Variants in DIDO1 observed in about 807,000 individuals in gnomAD.
DIDO1 encodes the protein death-inducer obliterator 1.
Under a neutral mutation model 99.4 loss-of-function variants are expected in DIDO1, and 16 were observed. That is an observed-to-expected ratio of 0.16 (90% confidence interval 0.11 to 0.24). The LOEUF is 0.24. DIDO1 is among the 10% of genes least tolerant of loss of function. The pLI is 1.00. For synonymous variants in DIDO1, 1,366 were observed against 1,239.1 expected, an observed-to-expected ratio of 1.10 and a Z score of -2.15; for missense variants, 2,996 against 3,014.0, an observed-to-expected ratio of 0.99 and a Z score of 0.14.
At chr20:62,884,519 T>C (rs1568830296) in intron 15 of DIDO1, among the ~76,000 whole-genome samples, 1 of 152,224 alleles carries the variant, frequency 6.6e-6, no homozygotes, top group Non-Finnish European at 1.5e-5. Flanking sequence ...TGAAAACCAG[T>C]ATGATTTCCC....
rs771850719 is a variant in DIDO1 at position 62,881,839 on chromosome 20, C to T, written c.4117G>A (p.Asp1373Asn). The T allele has an allele frequency of 4.3e-6, 7 of 1,613,426 alleles. No homozygotes were observed. In the Admixed American group the frequency reaches 1.0e-4, roughly 23 times the overall value. The change falls in exon 16 of 16, where the codon GAT becomes AAT. Residue 1373 changes from aspartate (D) to asparagine (N), a missense_variant. Physicochemically the swap from Asp to Asn is conservative, Grantham distance 23. Transcript: ENST00000395343. The surrounding 1 kb of genome is among the most constrained non-coding windows in gnomAD (Gnocchi z 8.3). ...TCCTCCTCTTCCTCTAGAGCCTTAT[C>T]TTTTGAGAACTGACCGAACTGCTGG... ...IVQQFGQFSK[D>N]KALEEEEDDR...
At chr20:62,920,625 C>A (rs542203361) in intron 1 of DIDO1, among the ~76,000 whole-genome samples, 2 of 152,338 alleles carry the variant, frequency 1.3e-5, no homozygotes, top group South Asian at 4.1e-4. Flanking sequence ...GTTCTCAAAG[C>A]GTGGTCCAGG....
Position 62,879,871 on chromosome 20 carries a change from G to A in DIDO1, c.6085C>T (p.Leu2029Phe), listed in dbSNP as rs1341026707. The A allele has an allele frequency of 1.3e-6, 2 of 1,591,294 alleles. No individual in the cohort carries two copies. The highest frequency in any genetic ancestry group is 1.7e-6 in the Non-Finnish European group (2 of 1,170,502). Residue 2029 changes from leucine to phenylalanine, a missense_variant, in exon 16 of 16, where the codon CTT becomes TTT. By Grantham distance (22) the Leu-to-Phe change is conservative. This residue lies in a region of DIDO1 where 1,562 missense variants were observed against 1,412.6 expected (regional missense o/e 1.11). Coordinates refer to ENST00000395343, the MANE Select transcript of DIDO1 (RefSeq NM_001193369.2). The surrounding 1 kb of genome is among the most constrained non-coding windows in gnomAD (Gnocchi z 6.3). ...CGGTGCTGCGGGGGGTGGCTGGGAA[G>A]CTCCAGCAGGGGCCTGGGGCCCGGC... Reference protein sequence around the residue: ...MKPGPRPLLELPSHPPQHRKD... With the variant: ...MKPGPRPLLEFPSHPPQHRKD...
In DIDO1 at chr20:62,887,915, G is replaced by A. The variant is rs2064322838; in HGVS notation, c.3541+3045C>T. The A allele has an allele frequency of 5.1e-6, 5 of 985,018 alleles. No homozygotes were observed. The South Asian group carries it at 2.3e-4, about 46-fold the overall frequency. The allele number at this position is 985,018 out of a possible 1,614,324, so 61.0% of individuals were successfully genotyped here. On this transcript the variant is annotated intron_variant, in intron 15 of 15. Coordinates refer to ENST00000395343, the MANE Select transcript of DIDO1 (RefSeq NM_001193369.2). Reference sequence around the variant, plus strand: ...AGTTACAGAGAGTGCCCCCACTGCGGGGCAGAGGGGCAGAGGAAGACAACC... The same window carrying A: ...AGTTACAGAGAGTGCCCCCACTGCGAGGCAGAGGGGCAGAGGAAGACAACC...
At position 62,881,620 on chromosome 20, in the gene DIDO1, T is replaced by C; in HGVS notation, c.4336A>G (p.Asn1446Asp). The change falls in exon 16 of 16, where the codon AAC becomes GAC. Residue 1446 changes from asparagine (N) to aspartate (D), a missense_variant. By Grantham distance (23) the Asn-to-Asp change is conservative (BLOSUM62 1). Transcript: ENST00000395343. This position sits in a 1 kb window ranked among gnomAD's most constrained non-coding sequence, Gnocchi z 8.3. ...EAKVTVDDLPNRMCADVRRNS... is the reference protein window; with the variant it reads ...EAKVTVDDLPDRMCADVRRNS... The stretch of plus-strand genomic sequence containing the variant: ...CTTCTCACGTCGGCACACATCCTGT[T>C]GGGCAGGTCATCAACAGTCACTTTC... The C allele has an allele frequency of 1.9e-6, 3 of 1,612,602 alleles. No individual in the cohort carries two copies. The highest frequency in any genetic ancestry group is 1.3e-5 in the African/African-American group (1 of 75,054).
intron 6 of DIDO1, among the ~76,000 whole-genome samples, chr20:62,904,179 CA>C (rs1456698090): frequency 2.6e-5 from 4 of 151,396 alleles, no homozygotes; most frequent in Admixed American, 2.0e-4. Flanking sequence ...TGTCTAAAAC[CA>C]ATGTACAGCT....
rs752079698 is a variant in DIDO1, at chr20:62,879,594, C to A, written c.6362G>T (p.Arg2121Leu). The change falls in exon 16 of 16, where the codon CGA becomes CTA. Residue 2121 changes from arginine to leucine, a missense_variant. Coordinates refer to ENST00000395343, the MANE Select transcript of DIDO1 (RefSeq NM_001193369.2). This position sits in a 1 kb window ranked among gnomAD's most constrained non-coding sequence, Gnocchi z 6.3. Reference protein sequence around the residue: ...EDRRRERERGRNWSRERDWDR... With the variant: ...EDRRRERERGLNWSRERDWDR... ...CCAGTCCCGCTCTCGGCTCCAGTTT[C>A]GGCCGCGCTCGCGCTCTCTCCTCCT... The A allele has an allele frequency of 1.7e-5, 27 of 1,603,020 alleles. No homozygotes were observed. Among genetic ancestry groups the A allele is most frequent in the Admixed American group, 5.0e-5 (3 of 59,974 alleles).
rs116684320 is a variant in DIDO1, at chr20:62,903,412, G to A, written c.1588+2475C>T. ...TGATGGTATGTGTGGTGAGGCAAGT[G>A]TGAGTCAGCTCATGGGACAGACCCA... is the stretch of plus-strand genomic sequence containing the variant. On this transcript the variant is annotated intron_variant, in intron 6 of 15. Transcript: ENST00000395343. Among the ~76,000 whole-genome samples, 824 of 152,336 alleles carry A rather than the reference G, an allele frequency of 5.4e-3. 5 individuals carry two copies. The highest frequency in any genetic ancestry group is 0.019 in the African/African-American group (787 of 41,582).
In DIDO1 at chr20:62,879,119, T is replaced by C. The variant is rs1600892013; in HGVS notation, c.*114A>G. ...CCATTTACACAAAATTACAGTAATG[T>C]TTAAGTCCAGAATATTCTATCCTGA... On this transcript the variant is annotated 3_prime_UTR_variant, in exon 16 of 16. Coordinates refer to ENST00000395343, the MANE Select transcript of DIDO1 (RefSeq NM_001193369.2). The surrounding 1 kb of genome is among the most constrained non-coding windows in gnomAD (Gnocchi z 6.3). 1.0e-5 allele frequency: 10 copies of C among 967,042 alleles called. No individual in the cohort carries two copies. The East Asian group carries it at 3.0e-4, about 29-fold the overall frequency. The allele number at this position is 967,042 out of a possible 1,614,324, so 59.9% of individuals were successfully genotyped here.
At chr20:62,890,820 A>G (rs2064380736) in intron 15 of DIDO1, 140 bp downstream of exon 15, 3 of 1,536,492 alleles carry the variant, frequency 2.0e-6, no homozygotes, top group Non-Finnish European at 1.7e-6. Flanking sequence ...GATGAATCCT[A>G]TTGCTAACCG....
At chr20:62,926,338 C>T (rs1302291732) in intron 1 of DIDO1, 101 bp downstream of exon 1, 1 of 151,846 alleles carries the variant, frequency 6.6e-6, no homozygotes, top group East Asian at 1.9e-4. Context: ...CCGCGGCTCT[C>T]GCCAGCCGGG....
Position 62,911,021 on chromosome 20 carries a change from C to T in DIDO1, c.592G>A (p.Ala198Thr), listed in dbSNP as rs775486221. ...CTGGCCTCGGAGCCCACAGTCTCGG[C>T]GGGACCCTCCTCCCGGCGCTTCTTC... ...LRKKRREEGPAETVGSEASDT... is the reference protein window; with the variant it reads ...LRKKRREEGPTETVGSEASDT... The change falls in exon 3 of 16, where the codon GCC becomes ACC. Residue 198 changes from alanine to threonine, a missense_variant. Coordinates refer to ENST00000395343, the MANE Select transcript of DIDO1 (RefSeq NM_001193369.2). The surrounding 1 kb of genome is among the most constrained non-coding windows in gnomAD (Gnocchi z 7.0). 8.7e-6 allele frequency: 14 copies of T among 1,613,808 alleles called. No individual in the cohort carries two copies. Among genetic ancestry groups the T allele is most frequent in the Admixed American group, 5.0e-5 (3 of 60,006 alleles).
chr20:62,907,484 C>CT, intron 4 of DIDO1, 125 bp from the exon 5 acceptor site: 1 of 890,342 alleles, frequency 1.1e-6, no homozygotes, highest in Non-Finnish European at 1.7e-6. Context: ...ACTAACAGTA[C>CT]TTTTAATATG....
At chr20:62,907,451 AG>A (rs2064832802) in intron 4 of DIDO1, 92 bp from the exon 5 acceptor site, 1 of 1,208,440 alleles carries the variant, frequency 8.3e-7, no homozygotes, top group South Asian at 1.3e-5. Flanking sequence ...TATAGTACCA[AG>A]GCCACAGTTT....
At chr20:62,926,949 C>A (rs2065267718), upstream of DIDO1, among the ~76,000 whole-genome samples, 1 of 152,202 alleles carries the variant, frequency 6.6e-6, no homozygotes. Flanking sequence ...CCCAGGTTTT[C>A]TCTTCCAGAT....
At chr20:62,890,634 G>C in intron 15 of DIDO1, 1 of 1,207,636 alleles carries the variant, frequency 8.3e-7, no homozygotes, top group Non-Finnish European at 1.0e-6. Context: ...GCCGCTGGGA[G>C]TGTCACCTCC....
chr20:62,895,806 C>A (rs919666359), intron 8 of DIDO1, among the ~76,000 whole-genome samples: 5 of 152,170 alleles, frequency 3.3e-5, no homozygotes, highest in African/African-American at 1.2e-4. Flanking sequence ...ACTCAAGCAG[C>A]CCAAACCATC....
At chr20:62,916,764 T>C (rs1424470693) in intron 1 of DIDO1, among the ~76,000 whole-genome samples, 4 of 152,312 alleles carry the variant, frequency 2.6e-5, no homozygotes, top group South Asian at 4.1e-4. Flanking sequence ...GAATGGAGTA[T>C]TGTAACCATC....
chr20:62,934,786 G>A (rs894313652), intron 1 of DIDO1, among the ~76,000 whole-genome samples: 1 of 152,088 alleles, frequency 6.6e-6, no homozygotes, highest in African/African-American at 2.4e-5. Flanking sequence ...CTTCCCTGCC[G>A]CCTGGAAACT....
Sources: allele counts gnomAD v4.1 joint callset (sites outside exome capture counted in the v4.1 genomes callset), GRCh38; gene constraint gnomAD v4.1.1; regional missense constraint gnomAD v4.1.1; non-coding constraint Gnocchi (gnomAD v3.1); transcripts MANE v1.5; gene names NCBI Gene and HGNC (gene_info 2026-07-23, HGNC 2026-07-21).